The following COL8A1 variants were observed in gnomAD, a reference collection of about 807,000 sequenced individuals.
COL8A1 encodes the protein collagen alpha-1(VIII) chain.
Under a neutral mutation model 42.7 loss-of-function variants are expected in COL8A1, and 21 were observed. The ratio of observed to expected loss-of-function variants is 0.49; its 90% CI spans 0.35 to 0.71. The LOEUF (loss-of-function observed/expected upper bound fraction) is 0.71. Ranked by LOEUF, COL8A1 falls within the 30% of genes least tolerant of loss-of-function variation. The pLI, the probability that COL8A1 is intolerant of heterozygous loss-of-function variation, is 0.01. For synonymous variants in COL8A1, 367 were observed against 369.1 expected, an observed-to-expected ratio of 0.99 and a Z score of 0.06; for missense variants, 788 against 962.4, an observed-to-expected ratio of 0.82 and a Z score of 2.40.
At position 99,782,790 on chromosome 3, in the gene COL8A1, T is replaced by A. The variant is rs368097022; in HGVS notation, c.-3-7890T>A. Among the ~76,000 whole-genome samples, 38 of 152,334 alleles carry A rather than the reference T, an allele frequency of 2.5e-4. No homozygotes were observed. In the East Asian group the frequency reaches 5.8e-3, roughly 23 times the overall value. On this transcript the variant is annotated intron_variant, in intron 2 of 3. Transcript: ENST00000652472. ...GGACCTCAAAGTCATATAGCTAATG[T>A]TCTCATTCTGCAAATGAGGGAACTA...
chr3:99,770,271 T>C (rs767195359), intron 2 of COL8A1, among the ~76,000 whole-genome samples: 4 of 152,174 alleles, frequency 2.6e-5, no homozygotes, highest in Non-Finnish European at 2.9e-5. Context: ...TTCAGGCTCA[T>C]TTCAGGAGAG....
In COL8A1 at chr3:99,790,833, T is replaced by C. The variant is rs1255426310; in HGVS notation, c.151T>C (p.Tyr51His). The C allele has an allele frequency of 1.2e-6, 2 of 1,614,062 alleles. No homozygotes were observed. The highest frequency in any genetic ancestry group is 2.7e-5 in the African/African-American group (2 of 74,920). Residue 51 changes from tyrosine (Y) to histidine (H), a missense_variant, in exon 3 of 4, where the codon TAC (tyrosine) becomes CAC (histidine). Tyr to His is a moderately conservative substitution (Grantham distance 83, BLOSUM62 2). This residue lies in a region of COL8A1 where 421 missense variants were observed against 553.1 expected (regional missense o/e 0.76). Coordinates refer to ENST00000652472, the MANE Select transcript of COL8A1 (RefSeq NM_020351.4). ...TCAGATGCCACCACAAATTCCACAATACCAGCCCCTGGGTCAGCAAGTACC... is the reference window on the plus strand; with the variant it reads ...TCAGATGCCACCACAAATTCCACAACACCAGCCCCTGGGTCAGCAAGTACC... ...PPQMPPQIPQ[Y>H]QPLGQQVPHM...
chr3:99,662,087 G>A (rs1007234553), intron 1 of COL8A1, among the ~76,000 whole-genome samples: 1 of 152,150 alleles, frequency 6.6e-6, no homozygotes, highest in Non-Finnish European at 1.5e-5. Context: ...ACTTAAAAAT[G>A]GTTAATATGG....
intron 1 of COL8A1, among the ~76,000 whole-genome samples, chr3:99,698,003 T>C (rs1289675072): frequency 6.6e-6 from 1 of 152,148 alleles, no homozygotes; most frequent in African/African-American, 2.4e-5. Flanking sequence ...TGTGTGATGT[T>C]CCCTGCCCTG....
intron 1 of COL8A1, among the ~76,000 whole-genome samples, chr3:99,739,097 C>T (rs192093560): frequency 5.9e-4 from 90 of 152,262 alleles, no homozygotes; most frequent in Admixed American, 3.3e-3. Context: ...GCACGGTGCG[C>T]GCACCCACTG....
intron 1 of COL8A1, among the ~76,000 whole-genome samples, chr3:99,699,334 C>T (rs1231211856): frequency 6.6e-6 from 1 of 152,200 alleles, no homozygotes; most frequent in African/African-American, 2.4e-5. Flanking sequence ...AAAGCAAACA[C>T]TGCACTTGTA....
chr3:99,649,249 A>G (rs1486665320), intron 1 of COL8A1, among the ~76,000 whole-genome samples: 1 of 152,138 alleles, frequency 6.6e-6, no homozygotes, highest in African/African-American at 2.4e-5. Context: ...TCTCCATTCT[A>G]TAATGGCATG....
chr3:99,773,891 C>T (rs575446158), intron 2 of COL8A1, among the ~76,000 whole-genome samples: 5 of 119,058 alleles, frequency 4.2e-5, no homozygotes, highest in South Asian at 2.9e-4. Context: ...GTCACCCAGG[C>T]GGGAATGTAG....
chr3:99,688,051 GA>G (rs1272698302), intron 1 of COL8A1, among the ~76,000 whole-genome samples: 1 of 152,158 alleles, frequency 6.6e-6, no homozygotes, highest in East Asian at 1.9e-4. Flanking sequence ...CCAAACATTG[GA>G]ATAAAATGTT....
At chr3:99,712,097 AAATTGAAAGGTTTTAAAAGGTTAGAAGAG>A (rs915186273) in intron 1 of COL8A1, among the ~76,000 whole-genome samples, 6 of 152,162 alleles carry the variant, frequency 3.9e-5, no homozygotes, top group Admixed American at 6.6e-5. Flanking sequence ...TCATACTTTG[AAATTGAAAGGTTTTAAAAGGTTAGAAGAG>A]AATGCATTTG....
chr3:99,658,542 T>C (rs1321041917), intron 1 of COL8A1, among the ~76,000 whole-genome samples: 1 of 152,184 alleles, frequency 6.6e-6, no homozygotes, highest in Non-Finnish European at 1.5e-5. Flanking sequence ...TAAACCAAGT[T>C]ACAGCCTGAT....
At chr3:99,723,909 T>C (rs506186) in intron 1 of COL8A1, among the ~76,000 whole-genome samples, 123,073 of 152,068 alleles carry the variant, frequency 0.81, 50,070 homozygotes, top group African/African-American at 0.9. Context: ...ACAAACAGCA[T>C]ATACACTAAC....
At chr3:99,704,056 C>A (rs930869848) in intron 1 of COL8A1, among the ~76,000 whole-genome samples, 1 of 151,972 alleles carries the variant, frequency 6.6e-6, no homozygotes, top group Non-Finnish European at 1.5e-5. Context: ...AATTTTAGAA[C>A]CCTTAAAATT....
chr3:99,791,694 AG>A (rs1397639892), intron 3 of COL8A1, among the ~76,000 whole-genome samples: 9 of 152,196 alleles, frequency 5.9e-5, no homozygotes, highest in Non-Finnish European at 1.3e-4. Context: ...TCAGAAACCT[AG>A]TACTTGCTGC....
chr3:99,791,015 C>G lies in COL8A1; in HGVS notation c.328+5C>G, dbSNP rs1009599366. 123 of 1,604,622 alleles carry G rather than the reference C, an allele frequency of 7.7e-5. No homozygotes were observed. The highest frequency in any genetic ancestry group is 1.0e-4 in the Non-Finnish European group (120 of 1,172,812). On this transcript the variant is annotated splice_donor_5th_base_variant and intron_variant, in intron 3 of 3. Transcript: ENST00000652472. ...CCGTACCCAAGAAAGGCAAAGGTAA[C>G]ATCATACTCCCAGGCTGTTATAAAA...
intron 1 of COL8A1, among the ~76,000 whole-genome samples, chr3:99,740,175 A>G (rs1940858980): frequency 1.3e-5 from 2 of 152,164 alleles, no homozygotes; most frequent in Non-Finnish European, 2.9e-5. Context: ...TTTTGGTCAA[A>G]GCCATTCAAC....
At chr3:99,713,737 G>A (rs967464140) in intron 1 of COL8A1, among the ~76,000 whole-genome samples, 2 of 151,910 alleles carry the variant, frequency 1.3e-5, no homozygotes, top group Non-Finnish European at 2.9e-5. Flanking sequence ...CACTGTAATT[G>A]CTTGGCTTAC....
At chr3:99,745,605 T>C (rs1013910074) in intron 2 of COL8A1, among the ~76,000 whole-genome samples, 1 of 152,208 alleles carries the variant, frequency 6.6e-6, no homozygotes, top group African/African-American at 2.4e-5. Context: ...GAAGAAATGA[T>C]TCCTTTCAGA....
chr3:99,771,040 C>T (rs1024396608), intron 2 of COL8A1, among the ~76,000 whole-genome samples: 16 of 152,116 alleles, frequency 1.1e-4, no homozygotes, highest in African/African-American at 3.9e-4. Context: ...ACCTTTTGGG[C>T]AGAAAAACAG....
Sources: allele counts gnomAD v4.1 joint callset (sites outside exome capture counted in the v4.1 genomes callset), GRCh38; gene constraint gnomAD v4.1.1; regional missense constraint gnomAD v4.1.1; transcripts MANE v1.5; gene names NCBI Gene and HGNC (gene_info 2026-07-23, HGNC 2026-07-21).